The following CNTN4 variants were observed in gnomAD, a reference collection of about 807,000 sequenced individuals.
The protein encoded by CNTN4 is contactin-4.
CNTN4 carries 77 observed loss-of-function variants against 122.5 expected under a neutral mutation model. The observed-to-expected ratio is 0.63, with a 90% CI of 0.52 to 0.76. The LOEUF (loss-of-function observed/expected upper bound fraction) is 0.76, where lower values mean the gene tolerates loss of function less well. CNTN4 is among the 30% of genes least tolerant of loss of function. The pLI, the probability that CNTN4 is intolerant of heterozygous loss-of-function variation, is 0.00. For synonymous variants in CNTN4, 512 were observed against 447.0 expected (o/e 1.15, Z -1.83); for missense variants, 1,256 against 1,259.1 (o/e 1.00, Z 0.04).
chr3:2,391,050 C>T (rs1198086262), intron 3 of CNTN4, among the ~76,000 whole-genome samples: 1 of 152,162 alleles, frequency 6.6e-6, no homozygotes, highest in Non-Finnish European at 1.5e-5. Context: ...AATAGCTGGA[C>T]TGTAATGGGG....
chr3:2,401,255 C>T (rs1559520702), intron 3 of CNTN4, among the ~76,000 whole-genome samples: 1 of 151,926 alleles, frequency 6.6e-6, no homozygotes, highest in East Asian at 1.9e-4. Context: ...GAAGATAGAC[C>T]CCAAGAGGTT....
rs1559513488 is a variant in CNTN4, at chr3:2,797,470, C to CAT, written c.359-22016_359-22015insAT. On this transcript the variant is annotated intron_variant, in intron 6 of 24. Transcript: ENST00000418658. ...AAGATTAGCCAGGTGTGGTGGTGGG[C>CAT]GCCTGTAATCCCAGCTACTCAGGAG... Among the ~76,000 whole-genome samples, 7 of 152,150 alleles carry CAT rather than the reference C, an allele frequency of 4.6e-5. No individual in the cohort carries two copies. In the East Asian group the frequency reaches 1.4e-3, roughly 30 times the overall value.
intron 6 of CNTN4, among the ~76,000 whole-genome samples, chr3:2,785,074 A>T (rs1427014841): frequency 6.6e-6 from 1 of 151,786 alleles, no homozygotes; most frequent in South Asian, 2.1e-4. Context: ...GGGCAAGTAC[A>T]TGTGTTCTAT....
At chr3:2,102,543 G>A (rs1166886391) in intron 2 of CNTN4, among the ~76,000 whole-genome samples, 1 of 152,072 alleles carries the variant, frequency 6.6e-6, no homozygotes, top group Non-Finnish European at 1.5e-5. Flanking sequence ...TCCCAGAATG[G>A]GTGATCATGG....
At chr3:2,482,132 T>C (rs1459870077) in intron 3 of CNTN4, among the ~76,000 whole-genome samples, 1 of 152,134 alleles carries the variant, frequency 6.6e-6, no homozygotes, top group African/African-American at 2.4e-5. Flanking sequence ...ATTTGGAACT[T>C]CCTAGAGACT....
At chr3:2,748,771 C>A (rs149015813) in intron 6 of CNTN4, among the ~76,000 whole-genome samples, 1 of 152,306 alleles carries the variant, frequency 6.6e-6, no homozygotes, top group African/African-American at 2.4e-5. Flanking sequence ...TTTCCTTAAC[C>A]ATTTATCCTA....
intron 23 of CNTN4, among the ~76,000 whole-genome samples, chr3:3,051,058 C>A (rs1701218008): frequency 6.6e-6 from 1 of 152,034 alleles, no homozygotes; most frequent in Non-Finnish European, 1.5e-5. Context: ...ATGTTTTTTG[C>A]AATTTTTTAA....
chr3:2,245,895 T>G (rs1469950639), intron 2 of CNTN4, among the ~76,000 whole-genome samples: 1 of 152,006 alleles, frequency 6.6e-6, no homozygotes, highest in Non-Finnish European at 1.5e-5. Context: ...TAGAGTTCCT[T>G]TTTTGAGAAT....
chr3:2,815,883 T>A (rs1373232037), intron 6 of CNTN4, among the ~76,000 whole-genome samples: 2 of 149,900 alleles, frequency 1.3e-5, no homozygotes, highest in East Asian at 3.9e-4. Flanking sequence ...CATATATATA[T>A]ATATATATGA....
At chr3:2,943,144 A>T (rs1227293360) in intron 13 of CNTN4, among the ~76,000 whole-genome samples, 1 of 152,156 alleles carries the variant, frequency 6.6e-6, no homozygotes, top group African/African-American at 2.4e-5. Context: ...TGGAACAAAG[A>T]TGCAAGTTCC....
intron 2 of CNTN4, among the ~76,000 whole-genome samples, chr3:2,145,630 T>G (rs2035207857): frequency 6.6e-6 from 1 of 152,224 alleles, no homozygotes; most frequent in Non-Finnish European, 1.5e-5. Context: ...CACCTCACAT[T>G]CAGTTTAATT....
chr3:2,926,103 A>T (rs1213703183), intron 13 of CNTN4, among the ~76,000 whole-genome samples: 2 of 152,164 alleles, frequency 1.3e-5, no homozygotes, highest in South Asian at 2.1e-4. Context: ...ACCTTTCCCC[A>T]TCCTAAGTCC....
intron 4 of CNTN4, among the ~76,000 whole-genome samples, chr3:2,635,102 G>A (rs1228800699): frequency 2.6e-5 from 4 of 151,966 alleles, no homozygotes. Flanking sequence ...TCTAGTGAGC[G>A]ATGTTGCTGT....
intron 2 of CNTN4, among the ~76,000 whole-genome samples, chr3:2,228,417 A>G (rs201043329): frequency 6.6e-6 from 1 of 152,160 alleles, no homozygotes; most frequent in African/African-American, 2.4e-5. Flanking sequence ...GGCTGTTTTT[A>G]CACTACAACA....
At chr3:2,562,722 T>C (rs1000997002) in intron 3 of CNTN4, among the ~76,000 whole-genome samples, 2 of 152,026 alleles carry the variant, frequency 1.3e-5, no homozygotes, top group Non-Finnish European at 2.9e-5. Flanking sequence ...TCTTTTCTTT[T>C]TTTTCCTTTT....
chr3:2,907,179 C>T (rs1466713453), intron 12 of CNTN4, among the ~76,000 whole-genome samples: 1 of 152,176 alleles, frequency 6.6e-6, no homozygotes, highest in African/African-American at 2.4e-5. Context: ...TAGTTTGGCT[C>T]TTTTGGATCA....
intron 4 of CNTN4, among the ~76,000 whole-genome samples, chr3:2,710,175 G>T (rs990451521): frequency 1.3e-5 from 2 of 152,146 alleles, no homozygotes; most frequent in African/African-American, 2.4e-5. Flanking sequence ...AGCAATTTTG[G>T]TTTTTAGTTG....
rs549139331 is a variant in CNTN4 at position 2,808,636 on chromosome 3, T to C, written c.359-10850T>C. Among the ~76,000 whole-genome samples the C allele has an allele frequency of 3.9e-5, 6 of 152,288 alleles. No individual in the cohort carries two copies. In the South Asian group the frequency reaches 1.2e-3, roughly 32 times the overall value. On this transcript the variant is annotated intron_variant, in intron 6 of 24. Coordinates refer to ENST00000418658, the MANE Select transcript of CNTN4 (RefSeq NM_175607.3). ...TGCAAGGAGTTGTTTCATGTTTTCA[T>C]CATCTCTGGCATTCCCTGGGGCAGG...
chr3:2,274,522 T>G (rs907174709), intron 2 of CNTN4, among the ~76,000 whole-genome samples: 1 of 151,764 alleles, frequency 6.6e-6, no homozygotes, highest in Non-Finnish European at 1.5e-5. Flanking sequence ...TTATTTGCTT[T>G]TTTTTTCCTC....
Sources: gnomAD v4.1 joint callset for allele counts (sites outside exome capture counted in the v4.1 genomes callset) on GRCh38, gnomAD v4.1.1 for gene constraint, MANE v1.5 for transcripts, NCBI Gene and HGNC (gene_info 2026-07-23, HGNC 2026-07-21) for gene names.